PDZD2: variants seen among roughly 807,000 people sequenced by gnomAD.
PDZD2 encodes the protein PDZ domain-containing protein 2.
Under a neutral mutation model 220.7 loss-of-function variants are expected in PDZD2, and 90 were observed. The ratio of observed to expected loss-of-function variants is 0.41; its 90% CI spans 0.34 to 0.49. The LOEUF is 0.49. Ranked by LOEUF, PDZD2 falls within the 20% of genes least tolerant of loss-of-function variation. The pLI is 0.28. For synonymous variants in PDZD2, 1,375 were observed against 1,450.5 expected (o/e 0.95, Z 1.18); for missense variants, 3,174 against 3,608.5 (o/e 0.88, Z 3.08).
At chr5:31,720,592 G>A (rs928529221) in intron 1 of PDZD2, among the ~76,000 whole-genome samples, 2 of 152,188 alleles carry the variant, frequency 1.3e-5, no homozygotes, top group African/African-American at 4.8e-5. Flanking sequence ...ACAGGGGAAA[G>A]TGTCCATTTT....
intron 6 of PDZD2, among the ~76,000 whole-genome samples, chr5:32,032,200 C>T (rs1260393599): frequency 1.3e-5 from 2 of 152,170 alleles, no homozygotes; most frequent in African/African-American, 4.8e-5. Flanking sequence ...TGTCCAGTTC[C>T]ACTGGAGGCT....
intron 1 of PDZD2, among the ~76,000 whole-genome samples, chr5:31,660,353 A>C (rs1561368628): frequency 6.6e-6 from 1 of 152,206 alleles, no homozygotes; most frequent in Non-Finnish European, 1.5e-5. Flanking sequence ...TTTTATAAAA[A>C]AATTTTTTAG....
chr5:32,093,987 A>C (rs1240645280), intron 21 of PDZD2, among the ~76,000 whole-genome samples: 3 of 152,146 alleles, frequency 2.0e-5, no homozygotes, highest in African/African-American at 7.2e-5. Context: ...CAATTAAAAA[A>C]AAAAAGTCAT....
At chr5:31,976,337 G>T (rs1030790078) in intron 2 of PDZD2, among the ~76,000 whole-genome samples, 2 of 152,154 alleles carry the variant, frequency 1.3e-5, no homozygotes, top group African/African-American at 4.8e-5. Flanking sequence ...AGGCTTAGCA[G>T]GTTTTCAAAA....
chr5:32,046,345 C>G (rs1383313039), intron 7 of PDZD2, among the ~76,000 whole-genome samples: 1 of 152,088 alleles, frequency 6.6e-6, no homozygotes, highest in Non-Finnish European at 1.5e-5. Flanking sequence ...TGGGTTCAAG[C>G]AATTCTCTGG....
At chr5:32,055,095 T>C (rs1246764219) in intron 10 of PDZD2, among the ~76,000 whole-genome samples, 1 of 152,248 alleles carries the variant, frequency 6.6e-6, no homozygotes. Context: ...ATACATATCT[T>C]TATATTTTCT....
At chr5:31,837,030 A>G (rs924286554) in intron 2 of PDZD2, among the ~76,000 whole-genome samples, 1 of 76,304 alleles carries the variant, frequency 1.3e-5, no homozygotes, top group African/African-American at 3.2e-5. Context: ...GAAAGAAAGA[A>G]AGAAAGAAAG....
rs181802354 is a variant in PDZD2 at position 32,087,980 on chromosome 5, A to C, written c.4532A>C (p.Lys1511Thr). 3 of 1,614,210 alleles carry C rather than the reference A, an allele frequency of 1.9e-6. No homozygotes were observed. The highest frequency in any genetic ancestry group is 1.7e-5 in the Admixed American group (1 of 60,024). ...GTTTTAGATTCAATTAATCCCGACAAACATTTTACTGTGAACAAAAACTTT... is the reference window on the plus strand; with the variant it reads ...GTTTTAGATTCAATTAATCCCGACACACATTTTACTGTGAACAAAAACTTT... Reference protein sequence around the residue: ...PSVLDSINPDKHFTVNKNFLS... With the variant: ...PSVLDSINPDTHFTVNKNFLS... Residue 1511 changes from lysine to threonine, a missense_variant, in exon 20 of 25, where the codon AAA becomes ACA. Physicochemically the swap from Lys to Thr is moderately conservative, Grantham distance 78 (BLOSUM62 -1). Around this residue, in one of 4 missense-constraint regions of PDZD2, gnomAD observed 1,861 missense variants for 2,001.0 expected, o/e 0.93. Coordinates refer to ENST00000438447, the MANE Select transcript of PDZD2 (RefSeq NM_178140.4). This position sits in a 1 kb window ranked among gnomAD's most constrained non-coding sequence, Gnocchi z 4.0.
chr5:31,670,120 C>A (rs181568507), intron 1 of PDZD2, among the ~76,000 whole-genome samples: 64 of 152,272 alleles, frequency 4.2e-4, no homozygotes, highest in Non-Finnish European at 7.6e-4. Context: ...CCCTTTTCCT[C>A]CCTGATGCTT....
At chr5:32,017,928 G>A (rs536082088) in intron 6 of PDZD2, among the ~76,000 whole-genome samples, 1 of 152,276 alleles carries the variant, frequency 6.6e-6, no homozygotes, top group South Asian at 2.1e-4. Context: ...GGAACCTTGG[G>A]GAGTAACTGG....
intron 1 of PDZD2, among the ~76,000 whole-genome samples, chr5:31,709,493 A>T (rs1209470181): frequency 6.7e-6 from 1 of 149,494 alleles, no homozygotes; most frequent in African/African-American, 2.5e-5. Context: ...AGGAAAAAAA[A>T]TAAAATAAAA....
chr5:31,776,325 C>A (rs1327506474), intron 1 of PDZD2, among the ~76,000 whole-genome samples: 1 of 152,154 alleles, frequency 6.6e-6, no homozygotes, highest in African/African-American at 2.4e-5. Context: ...CCTATCCAGG[C>A]AGTCACTGGA....
chr5:31,977,551 C>G (rs755369579), intron 2 of PDZD2, among the ~76,000 whole-genome samples: 2 of 152,166 alleles, frequency 1.3e-5, no homozygotes, highest in Non-Finnish European at 2.9e-5. Context: ...CTTGGAGAGC[C>G]CAGACTCCAG....
At chr5:31,896,323 CGTGTGTGTGT>C (rs35229609) in intron 2 of PDZD2, among the ~76,000 whole-genome samples, 12,015 of 136,406 alleles carry the variant, frequency 0.088, 564 homozygotes, top group Middle Eastern at 0.11. Context: ...TTGATACTCT[CGTGTGTGTGT>C]GTGTGTGTGT....
In PDZD2 at chr5:32,102,170, A is replaced by AAAG. The variant is rs550174035; in HGVS notation, c.8353+932_8353+934dup. ...TAAAAAAAAACCCCTCTATGGATCA[A>AAAG]AAGTGGAAATGAAGCCTCTGTGGTA... On this transcript the variant is annotated intron_variant, in intron 24 of 24. Transcript: ENST00000438447. Among the ~76,000 whole-genome samples the AAAG allele has an allele frequency of 6.0e-3, 920 of 152,236 alleles. 13 individuals are homozygous for AAAG. Among genetic ancestry groups the AAAG allele is most frequent in the African/African-American group, 0.021 (884 of 41,544 alleles).
At chr5:32,015,504 G>A (rs777622984) in intron 6 of PDZD2, among the ~76,000 whole-genome samples, 7 of 151,956 alleles carry the variant, frequency 4.6e-5, no homozygotes, top group African/African-American at 9.7e-5. Flanking sequence ...CTCCCACCTC[G>A]GCCTCCCAGA....
chr5:32,106,756 G>A (rs982146313), intron 24 of PDZD2, among the ~76,000 whole-genome samples: 3 of 152,182 alleles, frequency 2.0e-5, no homozygotes, highest in African/African-American at 7.2e-5. Flanking sequence ...AGGACATTGG[G>A]TACTAAGTTA....
chr5:31,966,975 A>G (rs1748817806), intron 2 of PDZD2, among the ~76,000 whole-genome samples: 1 of 152,212 alleles, frequency 6.6e-6, no homozygotes, highest in Non-Finnish European at 1.5e-5. Context: ...TAGCCAGAAC[A>G]TGTTGATGGG....
intron 24 of PDZD2, among the ~76,000 whole-genome samples, chr5:32,104,858 G>A (rs1744610144): frequency 6.6e-6 from 1 of 151,890 alleles, no homozygotes; most frequent in Admixed American, 6.6e-5. Context: ...AGAATAGGCA[G>A]GGTACCGTGG....
Sources: allele counts gnomAD v4.1 joint callset (sites outside exome capture counted in the v4.1 genomes callset), GRCh38; gene constraint gnomAD v4.1.1; regional missense constraint gnomAD v4.1.1; non-coding constraint Gnocchi (gnomAD v3.1); transcripts MANE v1.5; gene names NCBI Gene and HGNC (gene_info 2026-07-23, HGNC 2026-07-21).